Variants in SPTBN1 observed in about 807,000 individuals in gnomAD.
SPTBN1 encodes the protein spectrin beta chain, non-erythrocytic 1.
In SPTBN1, 32 loss-of-function variants were observed where a neutral mutation model predicts 266.4. The observed-to-expected ratio is 0.12, with a 90% confidence interval of 0.09 to 0.16. SPTBN1 has a LOEUF of 0.16. Among genes scored for constraint, SPTBN1 ranks in the 10% least tolerant of loss-of-function variants. SPTBN1 has a pLI of 1.00. For missense variants in SPTBN1, 2,296 were observed against 3,067.1 expected (o/e 0.75, Z 5.94); for synonymous variants, 1,336 against 1,162.2 (o/e 1.15, Z -3.04).
chr2:54,476,737 T>C (rs182190534), intron 1 of SPTBN1, among the ~76,000 whole-genome samples: 3 of 152,382 alleles, frequency 2.0e-5, no homozygotes, highest in Admixed American at 1.3e-4. Flanking sequence ...TAATTAATAC[T>C]TGCATTGGGA....
intron 5 of SPTBN1, 40 bp downstream of exon 5, chr2:54,616,338 A>G (rs1677604575): frequency 6.4e-7 from 1 of 1,568,834 alleles, no homozygotes; most frequent in Middle Eastern, 1.7e-4. Flanking sequence ...TGCTTCTTCC[A>G]GGACTGAATT....
At position 54,481,427 on chromosome 2, in the gene SPTBN1, TGTGTGTGTGTGTG is replaced by T. The variant is rs1558764009; in HGVS notation, c.-48+24910_-48+24922del. On this transcript the variant is annotated intron_variant, in intron 1 of 35. Transcript: ENST00000356805. The stretch of plus-strand genomic sequence containing the variant: ...GTGTGTGTGTGTGTGTGTGTGTGTG[TGTGTGTGTGTGTG>T]TTTTGTTTTGTTTGTTTGTTTGTTT... Among the ~76,000 whole-genome samples the T allele has an allele frequency of 7.2e-4, 68 of 94,610 alleles. 1 individual carries two copies. The highest frequency in any genetic ancestry group is 2.7e-3 in the African/African-American group (58 of 21,858). The allele number at this position is 94,610 out of a possible 152,430, so 62.1% of individuals were successfully genotyped here. A position where few individuals can be genotyped will look rare whatever the true frequency, so the allele number is the denominator to read the frequency against.
chr2:54,548,180 C>G (rs149930046), intron 2 of SPTBN1, among the ~76,000 whole-genome samples: 93 of 152,250 alleles, frequency 6.1e-4, no homozygotes, highest in Middle Eastern at 3.4e-3. Context: ...ATGAATAAAT[C>G]CATTTGTCAG....
rs1452730777 is a variant in SPTBN1, at chr2:54,668,797, T to TG, written c.*228_*229insG. On this transcript the variant is annotated 3_prime_UTR_variant, in exon 36 of 36. Coordinates refer to ENST00000356805, the MANE Select transcript of SPTBN1 (RefSeq NM_003128.3). ...GCAGAGGGAAGGCCAGATTTTTTTT[T>TG]TAATGAAATTATATAGATTAGATCT... 1 of 515,762 alleles carries TG rather than the reference T, an allele frequency of 1.9e-6. No homozygotes were observed. The highest frequency in any genetic ancestry group is 3.5e-5 in the East Asian group (1 of 28,454). The allele number at this position is 515,762 out of a possible 1,614,324, so 31.9% of individuals were successfully genotyped here. A position where few individuals can be genotyped will look rare whatever the true frequency, so the allele number is the denominator to read the frequency against.
chr2:54,615,290 A>G (rs534842867), intron 4 of SPTBN1, among the ~76,000 whole-genome samples: 7 of 152,294 alleles, frequency 4.6e-5, no homozygotes, highest in African/African-American at 1.7e-4. Context: ...GAGTGAAGGT[A>G]GTGGGGAGCA....
At chr2:54,637,043 C>T (rs916077229) in intron 17 of SPTBN1, among the ~76,000 whole-genome samples, 4 of 152,166 alleles carry the variant, frequency 2.6e-5, no homozygotes, top group Admixed American at 6.5e-5. Flanking sequence ...GGGAAGGAGC[C>T]AAGTAGGGAG....
At chr2:54,560,822 T>G (rs888985041) in intron 2 of SPTBN1, among the ~76,000 whole-genome samples, 19 of 152,184 alleles carry the variant, frequency 1.2e-4, no homozygotes, top group African/African-American at 4.6e-4. Flanking sequence ...AACTTTCAAG[T>G]ATGGTGGACC....
intron 2 of SPTBN1, among the ~76,000 whole-genome samples, chr2:54,578,249 T>C (rs1005874157): frequency 1.3e-5 from 2 of 152,218 alleles, no homozygotes; most frequent in African/African-American, 4.8e-5. Flanking sequence ...CTTGGAGCAA[T>C]GTTCAAAGGT....
intron 3 of SPTBN1, among the ~76,000 whole-genome samples, chr2:54,602,625 G>A (rs79572824): frequency 0.041 from 6,211 of 152,198 alleles, 395 homozygotes; most frequent in African/African-American, 0.14. Flanking sequence ...CACCAAGTCA[G>A]TTATCACTGG....
intron 27 of SPTBN1, among the ~76,000 whole-genome samples, chr2:54,654,777 C>G (rs926974420): frequency 6.6e-6 from 1 of 152,178 alleles, no homozygotes. Context: ...GAACAGAAAA[C>G]CATTGCTTTT....
chr2:54,667,143 A>G (rs1487531604), intron 34 of SPTBN1, among the ~76,000 whole-genome samples: 1 of 152,222 alleles, frequency 6.6e-6, no homozygotes, highest in Non-Finnish European at 1.5e-5. Flanking sequence ...TGAGACATAC[A>G]GTAGAAGAAA....
At chr2:54,502,902 C>T (rs975039541) in intron 1 of SPTBN1, among the ~76,000 whole-genome samples, 4 of 152,126 alleles carry the variant, frequency 2.6e-5, no homozygotes, top group Non-Finnish European at 5.9e-5. Context: ...GAGCTCTGCA[C>T]GGACTCAGAG....
Position 54,530,353 on chromosome 2 carries a change from C to CTTTTTTTTTTTTTTTTTTTTTTTTTTT in SPTBN1, c.148+3810_148+3811insTTTTTTTTTTTTTTTTTTTTTTTTTTT. Among the ~76,000 whole-genome samples the CTTTTTTTTTTTTTTTTTTTTTTTTTTT allele has an allele frequency of 2.7e-5, 2 of 73,906 alleles. 1 individual carries two copies. The highest frequency in any genetic ancestry group is 4.8e-5 in the Non-Finnish European group (2 of 41,790). 48.5% of individuals were successfully genotyped at this position (73,906 alleles called of 152,430 possible). On this transcript the variant is annotated intron_variant, in intron 2 of 35. Coordinates refer to ENST00000356805, the MANE Select transcript of SPTBN1 (RefSeq NM_003128.3). Reference sequence around the variant, plus strand: ...TAGGTTATCTGTGAATTGTAAAAAACTTTTTTTTTTTTTTTTTTTTTTTGA... The same window carrying CTTTTTTTTTTTTTTTTTTTTTTTTTTT: ...TAGGTTATCTGTGAATTGTAAAAAACTTTTTTTTTTTTTTTTTTTTTTTTTTTTTTTTTTTTTTTTTTTTTTTTTTGA...
chr2:54,631,542 A>G lies in SPTBN1; in HGVS notation c.3495A>G (p.Leu1165=), dbSNP rs776171026. Residue 1165 remains leucine (L), a synonymous_variant, in exon 16 of 36, where the codon CTA becomes CTG. Transcript: ENST00000356805. The part of the protein sequence containing the change: ...HKMWENRQNL[L]SQSHAYQQFL... ...TGTGGGAGAACAGACAAAATCTCCT[A>G]TCCCAGTCACATGCCTACCAGCAGT... The G allele has an allele frequency of 7.4e-6, 12 of 1,614,188 alleles. No homozygotes were observed. Among genetic ancestry groups the G allele is most frequent in the Admixed American group, 1.7e-5 (1 of 60,030 alleles).
intron 10 of SPTBN1, 37 bp downstream of exon 10, chr2:54,623,633 C>T (rs1375328796): frequency 1.3e-6 from 2 of 1,536,692 alleles, no homozygotes; most frequent in South Asian, 1.2e-5. Flanking sequence ...GCCCTGACCT[C>T]CTGGAGGCTT....
At chr2:54,593,608 G>GC (rs1448692882) in intron 2 of SPTBN1, among the ~76,000 whole-genome samples, 4 of 151,918 alleles carry the variant, frequency 2.6e-5, no homozygotes, top group Non-Finnish European at 5.9e-5. Context: ...GAACCTGAGG[G>GC]CCTTTACATG....
At chr2:54,461,514 T>C (rs1693368980) in intron 1 of SPTBN1, among the ~76,000 whole-genome samples, 1 of 152,258 alleles carries the variant, frequency 6.6e-6, no homozygotes, top group Non-Finnish European at 1.5e-5. Flanking sequence ...TCAGCCTTAG[T>C]AGAGAATGTA....
chr2:54,639,220 G>A (rs1317983365), intron 18 of SPTBN1, among the ~76,000 whole-genome samples: 2 of 152,226 alleles, frequency 1.3e-5, no homozygotes, highest in African/African-American at 4.8e-5. Context: ...TCTAAAGTTA[G>A]CTATGTGGAG....
Position 54,646,987 on chromosome 2 carries a change from GTGTTCCACTGTCCGTAC to G in SPTBN1, c.4867-141_4867-125del. ...ATATGGAAGCTCTTGGAACACTTCT[GTGTTCCACTGTCCGTAC>G]TGCACCTCTGGAGTTTTTCTTTCTA... On this transcript the variant is annotated intron_variant, in intron 23 of 35. Coordinates refer to ENST00000356805, the MANE Select transcript of SPTBN1 (RefSeq NM_003128.3). This position sits in a 1 kb window ranked among gnomAD's most constrained non-coding sequence, Gnocchi z 4.4. 2 of 1,181,652 alleles carry G rather than the reference GTGTTCCACTGTCCGTAC, an allele frequency of 1.7e-6. No individual in the cohort carries two copies. Among genetic ancestry groups the G allele is most frequent in the Non-Finnish European group, 2.4e-6 (2 of 850,628 alleles). The allele number at this position is 1,181,652 out of a possible 1,614,324, so 73.2% of individuals were successfully genotyped here. A position where few individuals can be genotyped will look rare whatever the true frequency, so the allele number is the denominator to read the frequency against.
Sources: gnomAD v4.1 joint callset for allele counts (sites outside exome capture counted in the v4.1 genomes callset) on GRCh38, gnomAD v4.1.1 for gene constraint, Gnocchi (gnomAD v3.1) non-coding constraint, MANE v1.5 for transcripts, NCBI Gene and HGNC (gene_info 2026-07-23, HGNC 2026-07-21) for gene names.